AKT3: variants seen among roughly 807,000 people sequenced by gnomAD.
AKT3 encodes RAC-gamma serine/threonine-protein kinase.
AKT3 carries 15 observed loss-of-function variants against 65.3 expected under a neutral mutation model. The ratio of observed to expected loss-of-function variants is 0.23; its 90% CI spans 0.15 to 0.35. The LOEUF is 0.35. Ranked by LOEUF, AKT3 falls within the 10% of genes least tolerant of loss-of-function variation. The pLI is 1.00. For missense variants in AKT3, 243 were observed against 576.5 expected (o/e 0.42, Z 5.92); for synonymous variants, 206 against 183.8 (o/e 1.12, Z -0.98).
At chr1:243,699,929 G>A (rs979810209) in intron 2 of AKT3, among the ~76,000 whole-genome samples, 2 of 152,194 alleles carry the variant, frequency 1.3e-5, no homozygotes, top group Admixed American at 6.5e-5. Context: ...AAGCCAAGGA[G>A]CACCTAGAGC....
intron 8 of AKT3, among the ~76,000 whole-genome samples, chr1:243,601,590 A>G (rs1677006284): frequency 6.6e-6 from 1 of 152,204 alleles, no homozygotes; most frequent in African/African-American, 2.4e-5. Flanking sequence ...TTAAAAATAT[A>G]TATTCACACA....
intron 2 of AKT3, among the ~76,000 whole-genome samples, chr1:243,752,214 C>T: frequency 6.6e-6 from 1 of 152,266 alleles, no homozygotes; most frequent in South Asian, 2.1e-4. Context: ...AAAAAATACA[C>T]TTATCCAAAA....
intron 4 of AKT3, among the ~76,000 whole-genome samples, chr1:243,664,353 C>T (rs896228594): frequency 5.9e-5 from 9 of 151,446 alleles, no homozygotes; most frequent in Admixed American, 3.3e-4. Flanking sequence ...CCCGCCACCA[C>T]GCCTGGCTGA....
At chr1:243,640,358 G>A (rs992393913) in intron 5 of AKT3, among the ~76,000 whole-genome samples, 1 of 152,158 alleles carries the variant, frequency 6.6e-6, no homozygotes, top group Non-Finnish European at 1.5e-5. Context: ...ATTTCTCCCT[G>A]TATGCACATT....
chr1:243,672,802 T>C (rs977442192), intron 3 of AKT3, among the ~76,000 whole-genome samples: 2 of 152,178 alleles, frequency 1.3e-5, no homozygotes, highest in South Asian at 2.1e-4. Context: ...ATTTTCCCCA[T>C]CAACATTTCT....
Position 243,850,063 on chromosome 1 carries a change from GC to G in AKT3, c.-137del, listed in dbSNP as rs1272457303. 3.1e-6 allele frequency: 3 copies of G among 980,324 alleles called. No homozygotes were observed. Among genetic ancestry groups the G allele is most frequent in the East Asian group, 1.2e-4 (1 of 8,694 alleles). The allele number at this position is 980,324 out of a possible 1,614,324, so 60.7% of individuals were successfully genotyped here. On this transcript the variant is annotated 5_prime_UTR_variant, in exon 1 of 14. Coordinates refer to ENST00000673466, the MANE Select transcript of AKT3 (RefSeq NM_005465.7). ...ACCTGCAACGGCGGCGGCGGCGGTG[GC>G]GGCCCCGCAGCTGCTCGGGCGGCGG... is the stretch of plus-strand genomic sequence containing the variant.
At chr1:243,780,061 T>C (rs1277102959) in intron 2 of AKT3, among the ~76,000 whole-genome samples, 1 of 152,002 alleles carries the variant, frequency 6.6e-6, no homozygotes, top group Admixed American at 6.5e-5. Flanking sequence ...TGTATTCAAG[T>C]AAGAACCCTA....
In AKT3 at chr1:243,628,137, G is replaced by A. The variant is rs1415269659; in HGVS notation, c.561+9474C>T. On this transcript the variant is annotated intron_variant, in intron 6 of 13. Coordinates refer to ENST00000673466, the MANE Select transcript of AKT3 (RefSeq NM_005465.7). ...TTGCTCCCGGGCATTAACTGCAACTGTCTTTATGACTGAAGGACATAACAT... is the reference window on the plus strand; with the variant it reads ...TTGCTCCCGGGCATTAACTGCAACTATCTTTATGACTGAAGGACATAACAT... 2.6e-5 allele frequency among the ~76,000 whole-genome samples: 4 copies of A among 152,170 alleles called. No individual in the cohort carries two copies. The East Asian group carries it at 7.7e-4, about 29-fold the overall frequency.
intron 5 of AKT3, among the ~76,000 whole-genome samples, chr1:243,640,732 C>G (rs555277864): frequency 6.6e-6 from 1 of 152,304 alleles, no homozygotes; most frequent in African/African-American, 2.4e-5. Flanking sequence ...CATGTATAAG[C>G]TGTAGGCAGC....
chr1:243,664,257 C>T (rs1269245860), intron 4 of AKT3, among the ~76,000 whole-genome samples: 8 of 125,292 alleles, frequency 6.4e-5, no homozygotes, highest in South Asian at 2.7e-4. Context: ...AGTGCAGTGG[C>T]GCAATCTCGG....
At chr1:243,645,506 C>T (rs982287818) in intron 5 of AKT3, among the ~76,000 whole-genome samples, 6 of 152,096 alleles carry the variant, frequency 3.9e-5, no homozygotes, top group Non-Finnish European at 5.9e-5. Context: ...GAAGTACATC[C>T]GAGCCATTAC....
chr1:243,695,769 T>A, intron 2 of AKT3, 53 bp from the exon 3 acceptor site: 3 of 1,497,358 alleles, frequency 2.0e-6, no homozygotes, highest in Non-Finnish European at 2.7e-6. Context: ...CAGCAGCTTT[T>A]ATGCAAAAAA....
chr1:243,636,827 G>C (rs533001193), intron 6 of AKT3, among the ~76,000 whole-genome samples: 2 of 152,112 alleles, frequency 1.3e-5, no homozygotes, highest in Non-Finnish European at 2.9e-5. Context: ...TCCAATAGGG[G>C]CATTGACTTG....
intron 2 of AKT3, among the ~76,000 whole-genome samples, chr1:243,752,828 T>C (rs920537730): frequency 7.9e-5 from 12 of 152,166 alleles, no homozygotes; most frequent in Admixed American, 5.2e-4. Context: ...GTTAGTACCA[T>C]TAAATCAGCT....
chr1:243,703,245 A>T (rs1317357528), intron 2 of AKT3, among the ~76,000 whole-genome samples: 6 of 152,048 alleles, frequency 3.9e-5, no homozygotes, highest in Admixed American at 3.9e-4. Flanking sequence ...TATAGTCCAT[A>T]ATTATGTGAT....
intron 2 of AKT3, among the ~76,000 whole-genome samples, chr1:243,778,899 A>T (rs1690730007): frequency 6.6e-6 from 1 of 150,810 alleles, no homozygotes; most frequent in Admixed American, 6.6e-5. Flanking sequence ...GATTTTCCAT[A>T]TAAATACTAT....
intron 10 of AKT3, among the ~76,000 whole-genome samples, chr1:243,554,354 C>A (rs1365733575): frequency 6.6e-6 from 1 of 151,946 alleles, no homozygotes; most frequent in Non-Finnish European, 1.5e-5. Flanking sequence ...ATGTTTAGAT[C>A]CTATGCTTTT....
At chr1:243,589,321 A>AAG (rs1244457553) in intron 8 of AKT3, among the ~76,000 whole-genome samples, 1 of 149,450 alleles carries the variant, frequency 6.7e-6, no homozygotes, top group East Asian at 1.9e-4. Context: ...AAAAAAAAAA[A>AAG]AAAGAAAAAA....
At position 243,583,393 on chromosome 1, in the gene AKT3, C is replaced by T. The variant is rs543243687; in HGVS notation, c.697-10345G>A. On this transcript the variant is annotated intron_variant, in intron 8 of 13. Transcript: ENST00000673466. ...CATTCAGGCAGAAAAGTCACACATT[C>T]TGGACTTAAACTCAACACTTGACCA... is the stretch of plus-strand genomic sequence containing the variant. Among the ~76,000 whole-genome samples, 5 of 150,812 alleles carry T rather than the reference C, an allele frequency of 3.3e-5. No individual in the cohort carries two copies. In the South Asian group the frequency reaches 1.0e-3, roughly 32 times the overall value.
Sources: allele counts gnomAD v4.1 joint callset (sites outside exome capture counted in the v4.1 genomes callset), GRCh38; gene constraint gnomAD v4.1.1; transcripts MANE v1.5; gene names NCBI Gene and HGNC (gene_info 2026-07-23, HGNC 2026-07-21).